Variants in PAM observed in about 807,000 individuals in gnomAD.
The protein encoded by PAM is peptidyl-glycine alpha-amidating monooxygenase.
Under a neutral mutation model 122.1 loss-of-function variants are expected in PAM, and 72 were observed. That is an observed-to-expected ratio of 0.59 (90% CI 0.49 to 0.72). The LOEUF is 0.72. PAM is among the 30% of genes least tolerant of loss of function. PAM has a pLI of 0.00. For missense variants in PAM, 1,106 were observed against 1,183.7 expected (o/e 0.93, Z 0.96); for synonymous variants, 389 against 404.4 (o/e 0.96, Z 0.46).
chr5:102,866,204 CCG>C lies in PAM; in HGVS notation c.12_13del (p.Val5ProfsTer2). On this transcript the variant is annotated frameshift_variant, in exon 2 of 26. Coordinates refer to ENST00000438793, the MANE Select transcript of PAM (RefSeq NM_001177306.2). LOFTEE classifies it high-confidence loss of function. MAG[R>X]VPSLLVLLVF... ...GTCGTATCGGCGTGGACATGGCTGG[CCG>C]CGTCCCTAGCCTGCTAGTTCTCCTT... 6.2e-7 allele frequency: 1 copy of C among 1,610,968 alleles called. No homozygotes were observed. Among genetic ancestry groups the C allele is most frequent in the Non-Finnish European group, 8.5e-7 (1 of 1,178,516 alleles).
At chr5:102,816,197 G>C (rs1355617006) in intron 1 of PAM, among the ~76,000 whole-genome samples, 1 of 152,110 alleles carries the variant, frequency 6.6e-6, no homozygotes, top group East Asian at 1.9e-4. Flanking sequence ...TGAATCATGA[G>C]TTTAACTCTC....
intron 1 of PAM, among the ~76,000 whole-genome samples, chr5:102,757,597 CACAT>C (rs1207442467): frequency 1.3e-5 from 2 of 152,150 alleles, no homozygotes; most frequent in Admixed American, 1.3e-4. Flanking sequence ...TTGTGGTTCC[CACAT>C]ACAGTTTTTT....
intron 1 of PAM, among the ~76,000 whole-genome samples, chr5:102,826,621 G>C (rs1773717687): frequency 6.6e-6 from 1 of 152,148 alleles, no homozygotes; most frequent in South Asian, 2.1e-4. Flanking sequence ...TAGAGAGTCA[G>C]CTGCAAACCT....
intron 1 of PAM, among the ~76,000 whole-genome samples, chr5:102,834,167 G>T (rs1170318112): frequency 6.6e-6 from 1 of 151,934 alleles, no homozygotes; most frequent in Non-Finnish European, 1.5e-5. Flanking sequence ...AGTTTATTTT[G>T]TTTTGTGATG....
intron 14 of PAM, among the ~76,000 whole-genome samples, chr5:102,967,127 G>T (rs1263603817): frequency 3.9e-5 from 6 of 152,026 alleles, no homozygotes; most frequent in Admixed American, 3.9e-4. Flanking sequence ...TTTCCATGCT[G>T]GGAGCAGGGA....
At chr5:102,852,093 T>C (rs901693729) in intron 1 of PAM, among the ~76,000 whole-genome samples, 18 of 152,170 alleles carry the variant, frequency 1.2e-4, no homozygotes, top group African/African-American at 4.3e-4. Flanking sequence ...TATCCCTGAA[T>C]CAATGATGCA....
At chr5:102,879,824 A>G (rs1007611949) in intron 3 of PAM, among the ~76,000 whole-genome samples, 1 of 152,232 alleles carries the variant, frequency 6.6e-6, no homozygotes, top group African/African-American at 2.4e-5. Context: ...TATTTAGTGT[A>G]GTATCATGCT....
intron 16 of PAM, among the ~76,000 whole-genome samples, chr5:102,993,023 TG>T (rs1302891377): frequency 2.0e-5 from 3 of 152,106 alleles, no homozygotes; most frequent in Non-Finnish European, 2.9e-5. Flanking sequence ...CATTCCCACC[TG>T]GTAACCCTGA....
chr5:102,767,709 C>T (rs1046168165), intron 1 of PAM, among the ~76,000 whole-genome samples: 1 of 152,112 alleles, frequency 6.6e-6, no homozygotes, highest in Non-Finnish European at 1.5e-5. Context: ...TAAATTGCTT[C>T]ATTATTATTG....
intron 10 of PAM, 38 bp downstream of exon 10, chr5:102,949,655 T>A: frequency 1.0e-6 from 1 of 987,742 alleles, no homozygotes; most frequent in Non-Finnish European, 1.6e-6. Context: ...ATATTTACCA[T>A]TGTGCTTCCT....
Position 102,992,432 on chromosome 5 carries a change from C to A in PAM, c.1613+2031C>A, listed in dbSNP as rs538440086. Among the ~76,000 whole-genome samples the A allele has an allele frequency of 2.6e-5, 4 of 151,952 alleles. No homozygotes were observed. In the East Asian group the frequency reaches 7.7e-4, roughly 29 times the overall value. On this transcript the variant is annotated intron_variant, in intron 16 of 25. Coordinates refer to ENST00000438793, the MANE Select transcript of PAM (RefSeq NM_001177306.2). ...TGCAATCCATGGTTGTAAAGAAATT[C>A]TTTTCTGGCACTCAGCTCTCTGAGT...
rs144310649 is a variant in PAM, at chr5:102,974,356, T to G, written c.1403T>G (p.Leu468Trp). The G allele has an allele frequency of 3.7e-5, 60 of 1,614,068 alleles. No individual in the cohort carries two copies. The highest frequency in any genetic ancestry group is 4.7e-5 in the Non-Finnish European group (55 of 1,179,942). ...IHKFHRLVST[L>W]RPPESRVFSL... ...AAATTCCACAGACTAGTATCTACCT[T>G]GAGGCCACCAGAGAGCAGAGTTTTC... The change falls in exon 15 of 26, where the codon TTG becomes TGG. Residue 468 changes from leucine to tryptophan, a missense_variant. Transcript: ENST00000438793.
chr5:102,960,736 G>C (rs999747647), intron 13 of PAM, among the ~76,000 whole-genome samples: 2 of 151,670 alleles, frequency 1.3e-5, no homozygotes, highest in Non-Finnish European at 2.9e-5. Flanking sequence ...TTTCTTTCTA[G>C]TGGAAATTTT....
chr5:102,786,817 C>A (rs1760671634), intron 1 of PAM, among the ~76,000 whole-genome samples: 1 of 152,068 alleles, frequency 6.6e-6, no homozygotes, highest in South Asian at 2.1e-4. Flanking sequence ...AAGTAACTTA[C>A]TACTCTTTTG....
Position 102,949,594 on chromosome 5 carries a change from A to G in PAM, c.701A>G (p.Tyr234Cys). 1 of 1,508,172 alleles carries G rather than the reference A, an allele frequency of 6.6e-7. No individual in the cohort carries two copies. Among genetic ancestry groups the G allele is most frequent in the Non-Finnish European group, 9.2e-7 (1 of 1,083,736 alleles). 93.4% of individuals were successfully genotyped at this position (1,508,172 alleles called of 1,614,324 possible). The change falls in exon 10 of 26, where the codon TAT (tyrosine) becomes TGT (cysteine). Residue 234 changes from tyrosine to cysteine, a missense_variant. Transcript: ENST00000438793. ...AATTATCCAATGCATGTCTTTGCCT[A>G]TAGAGTTCACACTCACCATTTAGGT... ...YKNYPMHVFA[Y>C]RVHTHHLGKV...
chr5:102,781,856 C>T (rs1038343608), intron 1 of PAM, among the ~76,000 whole-genome samples: 5 of 152,128 alleles, frequency 3.3e-5, no homozygotes, highest in Non-Finnish European at 5.9e-5. Context: ...AAGAACTACA[C>T]GTTTTTAATG....
chr5:102,951,334 T>C (rs1222307371), intron 12 of PAM, among the ~76,000 whole-genome samples: 2 of 152,068 alleles, frequency 1.3e-5, no homozygotes, highest in African/African-American at 4.8e-5. Context: ...TTTTAAATAC[T>C]GAGCCTCCTT....
At chr5:102,963,188 G>A (rs527660159) in intron 14 of PAM, among the ~76,000 whole-genome samples, 2 of 151,942 alleles carry the variant, frequency 1.3e-5, no homozygotes, top group South Asian at 2.1e-4. Context: ...AGTCTATGGG[G>A]ACCACCAGCC....
intron 1 of PAM, among the ~76,000 whole-genome samples, chr5:102,794,925 C>A (rs1273820549): frequency 1.3e-5 from 2 of 151,414 alleles, no homozygotes; most frequent in Non-Finnish European, 2.9e-5. Context: ...TGCGGTGGCT[C>A]ACACCTGTAA....
Sources: allele counts gnomAD v4.1 joint callset (sites outside exome capture counted in the v4.1 genomes callset), GRCh38; gene constraint gnomAD v4.1.1; transcripts MANE v1.5; gene names NCBI Gene and HGNC (gene_info 2026-07-23, HGNC 2026-07-21).